ERBB4: variants seen among roughly 807,000 people sequenced by gnomAD.
ERBB4 encodes the protein erb-b2 receptor tyrosine kinase 4.
A neutral mutation model predicts 158.0 loss-of-function variants in ERBB4; 42 were observed. The observed-to-expected ratio is 0.27, with a 90% CI of 0.21 to 0.34. ERBB4 has a LOEUF of 0.34. ERBB4 is among the 10% of genes least tolerant of loss of function. The pLI is 1.00. For synonymous variants in ERBB4, 583 were observed against 558.7 expected (o/e 1.04, Z -0.61); for missense variants, 1,333 against 1,624.1 (o/e 0.82, Z 3.08).
At chr2:211,671,870 G>C (rs1043886801) in intron 14 of ERBB4, among the ~76,000 whole-genome samples, 1 of 152,118 alleles carries the variant, frequency 6.6e-6, no homozygotes, top group African/African-American at 2.4e-5. Context: ...CACACTGTTA[G>C]TTAATTGTAT....
chr2:212,265,563 A>G (rs147569923), intron 1 of ERBB4, among the ~76,000 whole-genome samples: 56 of 152,144 alleles, frequency 3.7e-4, no homozygotes, highest in African/African-American at 1.3e-3. Flanking sequence ...ATATAATCAT[A>G]TCTTTCAGTT....
At chr2:212,260,047 TGACAGAGCGA>T (rs2084879329) in intron 1 of ERBB4, among the ~76,000 whole-genome samples, 1 of 146,620 alleles carries the variant, frequency 6.8e-6, no homozygotes. Flanking sequence ...CCAGCCTAAG[TGACAGAGCGA>T]GACTCTGTCT....
At chr2:211,450,836 CTGT>C (rs1290429101) in intron 20 of ERBB4, among the ~76,000 whole-genome samples, 1 of 152,126 alleles carries the variant, frequency 6.6e-6, no homozygotes, top group Non-Finnish European at 1.5e-5. Flanking sequence ...TATAGGCATG[CTGT>C]TACTTACCTG....
chr2:211,547,524 T>C (rs1310582220), intron 20 of ERBB4, among the ~76,000 whole-genome samples: 2 of 152,090 alleles, frequency 1.3e-5, no homozygotes, highest in Non-Finnish European at 2.9e-5. Context: ...GAGAGCACTA[T>C]TGTTAACACC....
chr2:211,498,072 C>T (rs1428707767), intron 20 of ERBB4, among the ~76,000 whole-genome samples: 1 of 152,102 alleles, frequency 6.6e-6, no homozygotes, highest in Non-Finnish European at 1.5e-5. Context: ...GATGCCAGCA[C>T]TCCATGTGGA....
chr2:211,483,637 C>T (rs754964941), intron 20 of ERBB4, among the ~76,000 whole-genome samples: 6 of 152,000 alleles, frequency 3.9e-5, no homozygotes, highest in Admixed American at 6.5e-5. Context: ...CTGCAACCTC[C>T]GCCTCCCAGA....
intron 1 of ERBB4, among the ~76,000 whole-genome samples, chr2:212,392,230 A>G (rs1006733613): frequency 6.6e-6 from 1 of 151,940 alleles, no homozygotes; most frequent in Admixed American, 6.6e-5. Context: ...CCTTCAGAGA[A>G]ATCTAAGGCA....
chr2:212,063,016 T>C (rs933310799), intron 2 of ERBB4, among the ~76,000 whole-genome samples: 9 of 152,208 alleles, frequency 5.9e-5, no homozygotes, highest in Non-Finnish European at 1.0e-4. Context: ...TTATTTATCA[T>C]GCTGTCTAAT....
chr2:211,439,092 G>A (rs1364851703), intron 20 of ERBB4, among the ~76,000 whole-genome samples: 1 of 151,918 alleles, frequency 6.6e-6, no homozygotes, highest in South Asian at 2.1e-4. Flanking sequence ...TTAGGACCTG[G>A]ACATTCAGCT....
intron 2 of ERBB4, among the ~76,000 whole-genome samples, chr2:211,949,001 C>G (rs1363551284): frequency 2.6e-5 from 4 of 152,126 alleles, no homozygotes; most frequent in Non-Finnish European, 1.5e-5. Context: ...CATCTCAGTT[C>G]AGGTTATTCC....
intron 3 of ERBB4, among the ~76,000 whole-genome samples, chr2:211,922,023 G>T (rs1250716180): frequency 6.6e-6 from 1 of 152,032 alleles, no homozygotes; most frequent in Non-Finnish European, 1.5e-5. Context: ...CCATTTTAAG[G>T]ACTATTTGAG....
chr2:212,456,349 T>C (rs979431609), intron 1 of ERBB4, among the ~76,000 whole-genome samples: 5 of 152,050 alleles, frequency 3.3e-5, no homozygotes, highest in Non-Finnish European at 5.9e-5. Flanking sequence ...CAGAAAATAT[T>C]GCATACACTA....
intron 9 of ERBB4, among the ~76,000 whole-genome samples, chr2:211,707,356 A>G (rs893655020): frequency 6.6e-6 from 1 of 152,222 alleles, no homozygotes; most frequent in Non-Finnish European, 1.5e-5. Context: ...TAGTACTTTA[A>G]AACAGTTAAC....
At chr2:211,802,912 G>C (rs72948546) in intron 3 of ERBB4, among the ~76,000 whole-genome samples, 2,008 of 152,272 alleles carry the variant, frequency 0.013, 27 homozygotes, top group Non-Finnish European at 0.019. Flanking sequence ...AATTTCCGAT[G>C]CTGAAAACTC....
chr2:211,971,572 A>T (rs2125203214), intron 2 of ERBB4, among the ~76,000 whole-genome samples: 1 of 152,270 alleles, frequency 6.6e-6, no homozygotes, highest in Non-Finnish European at 1.5e-5. Context: ...TATCATCCTG[A>T]TACCAAAATC....
In ERBB4 at chr2:212,324,642, T is replaced by A. The variant is rs905879; in HGVS notation, c.83-199739A>T. 7.8e-4 allele frequency among the ~76,000 whole-genome samples: 117 copies of A among 149,734 alleles called. 2 individuals carry two copies. The highest frequency in any genetic ancestry group is 2.5e-3 in the African/African-American group (105 of 41,188). On this transcript the variant is annotated intron_variant, in intron 1 of 27. Coordinates refer to ENST00000342788, the MANE Select transcript of ERBB4 (RefSeq NM_005235.3). Reference sequence around the variant, plus strand: ...AAAATAGGTGGATCTTGCCTACATCTTACTAAATCTGATAATTAGATTTTT... The same window carrying A: ...AAAATAGGTGGATCTTGCCTACATCATACTAAATCTGATAATTAGATTTTT...
intron 15 of ERBB4, among the ~76,000 whole-genome samples, chr2:211,659,366 T>C (rs995629612): frequency 6.6e-6 from 1 of 152,084 alleles, no homozygotes; most frequent in Non-Finnish European, 1.5e-5. Flanking sequence ...ATTAAATTAG[T>C]ATTATATATA....
intron 20 of ERBB4, among the ~76,000 whole-genome samples, chr2:211,530,046 GA>G (rs1405463752): frequency 6.6e-6 from 1 of 152,024 alleles, no homozygotes; most frequent in East Asian, 1.9e-4. Flanking sequence ...AATTGGAAAG[GA>G]AGACGTCAAG....
chr2:212,448,964 C>T (rs1207394657), intron 1 of ERBB4, among the ~76,000 whole-genome samples: 1 of 152,038 alleles, frequency 6.6e-6, no homozygotes, highest in Non-Finnish European at 1.5e-5. Flanking sequence ...GCTTCATTGC[C>T]TCAAACTTTT....
Sources: gnomAD v4.1 joint callset for allele counts (sites outside exome capture counted in the v4.1 genomes callset) on GRCh38, gnomAD v4.1.1 for gene constraint, MANE v1.5 for transcripts, NCBI Gene and HGNC (gene_info 2026-07-23, HGNC 2026-07-21) for gene names.